INTS3: variants seen among roughly 807,000 people sequenced by gnomAD.
INTS3 encodes SOSS complex subunit A.
INTS3 carries 34 observed loss-of-function variants against 146.3 expected under a neutral mutation model. The observed-to-expected ratio is 0.23, with a 90% CI of 0.18 to 0.31. INTS3 has a LOEUF of 0.31. INTS3 is among the 10% of genes least tolerant of loss of function. INTS3 has a pLI of 1.00. For missense variants in INTS3, 757 were observed against 1,304.2 expected, an observed-to-expected ratio of 0.58 and a Z score of 6.46; for synonymous variants, 475 against 494.9, an observed-to-expected ratio of 0.96 and a Z score of 0.53.
chr1:153,728,809 G>A, intron 1 of INTS3, 25 bp downstream of exon 1: 3 of 1,307,526 alleles, frequency 2.3e-6, no homozygotes, highest in Non-Finnish European at 3.0e-6. Flanking sequence ...AGGGAAGGGA[G>A]TTAAGAAATT....
Position 153,772,720 on chromosome 1 carries a change from C to T in INTS3, c.2894+9C>T, listed in dbSNP as rs756887872. The T allele has an allele frequency of 1.2e-6, 2 of 1,612,748 alleles. No individual in the cohort carries two copies. Among genetic ancestry groups the T allele is most frequent in the Non-Finnish European group, 1.7e-6 (2 of 1,179,170 alleles). ...GAAGCCCACAAGATGAAGTGAGGCT[C>T]CTGCCACTTTGGGCCTTGGAAAGTA... On this transcript the variant is annotated intron_variant, in intron 28 of 29. Transcript: ENST00000318967. The surrounding 1 kb of genome is among the most constrained non-coding windows in gnomAD (Gnocchi z 4.6).
Position 153,751,127 on chromosome 1 carries a change from C to T in INTS3, c.617C>T (p.Ala206Val). 6.2e-7 allele frequency: 1 copy of T among 1,614,168 alleles called. No homozygotes were observed. Among genetic ancestry groups the T allele is most frequent in the South Asian group, 1.1e-5 (1 of 91,072 alleles). The change falls in exon 7 of 30, where the codon GCC (alanine) becomes GTC (valine). Residue 206 changes from alanine to valine, a missense_variant. Transcript: ENST00000318967. Reference protein sequence around the residue: ...EWVLKSSILIAMAVYTYLRLI... With the variant: ...EWVLKSSILIVMAVYTYLRLI... ...GTCCTGAAGAGCAGCATCCTCATTG[C>T]CATGGCTGTTTACACGTACCTCCGC... is the stretch of plus-strand genomic sequence containing the variant.
In INTS3 at chr1:153,769,818, G is replaced by A. The variant is rs1343212850; in HGVS notation, c.2363G>A (p.Arg788Gln). The change falls in exon 23 of 30, where the codon CGA becomes CAA. Residue 788 changes from arginine to glutamine, a missense_variant. Physicochemically the swap from Arg to Gln is conservative, Grantham distance 43. Transcript: ENST00000318967. ...HVMMGNLVMF[R>Q]KDSVLNILIQ... ...ATGATGGGTAACCTGGTTATGTTTC[G>A]AAAAGACTCAGTTCTCAACATACTC... 4.3e-6 allele frequency: 7 copies of A among 1,613,050 alleles called. No individual in the cohort carries two copies. Among genetic ancestry groups the A allele is most frequent in the African/African-American group, 2.7e-5 (2 of 74,800 alleles).
rs1203062790 is a variant in INTS3, at chr1:153,769,686, A to G, written c.2314-83A>G. 3.5e-6 allele frequency: 3 copies of G among 859,886 alleles called. No individual in the cohort carries two copies. In the African/African-American group the frequency reaches 5.1e-5, roughly 15 times the overall value. 53.3% of individuals were successfully genotyped at this position (859,886 alleles called of 1,614,324 possible). On this transcript the variant is annotated intron_variant, in intron 22 of 29. Coordinates refer to ENST00000318967, the MANE Select transcript of INTS3 (RefSeq NM_023015.5). ...CTCTAATTTTTTTTTTTCCCTTACGAGCCCTCCTGCGTCCCCCTCCATACT... is the reference window on the plus strand; with the variant it reads ...CTCTAATTTTTTTTTTTCCCTTACGGGCCCTCCTGCGTCCCCCTCCATACT...
chr1:153,743,554 A>G (rs768922347), intron 3 of INTS3, among the ~76,000 whole-genome samples: 2 of 152,202 alleles, frequency 1.3e-5, no homozygotes, highest in Non-Finnish European at 2.9e-5. Flanking sequence ...AAAGCAGGTC[A>G]GTATTGGGAA....
intron 12 of INTS3, 131 bp downstream of exon 12, chr1:153,760,521 C>T: frequency 1.4e-6 from 1 of 719,936 alleles, no homozygotes; most frequent in Non-Finnish European, 2.4e-6. Context: ...GGGTCCTATC[C>T]CCCAAGTTAA....
At chr1:153,764,390 C>T (rs1672497143) in intron 18 of INTS3, among the ~76,000 whole-genome samples, 169 bp downstream of exon 18, 1 of 152,204 alleles carries the variant, frequency 6.6e-6, no homozygotes, top group Non-Finnish European at 1.5e-5. Flanking sequence ...ACCTGCTGAA[C>T]ACCGTGCGTA....
rs1558013237 is a variant in INTS3, at chr1:153,773,056, AAG to A, written c.3029_3030del (p.Glu1010ValfsTer30). 1 of 1,614,160 alleles carries A rather than the reference AAG, an allele frequency of 6.2e-7. No homozygotes were observed. The highest frequency in any genetic ancestry group is 8.5e-7 in the Non-Finnish European group (1 of 1,180,022). On this transcript the variant is annotated frameshift_variant, in exon 29 of 30. Coordinates refer to ENST00000318967, the MANE Select transcript of INTS3 (RefSeq NM_023015.5). LOFTEE classifies it high-confidence loss of function. ...GCCACACAGCCCCCCAATGCCGAAG[AAG>A]AGTCGGGCTCCAGCAGTGCTTCAGT...
rs200825280 is a variant in INTS3, at chr1:153,744,038, CGTGTGTGTGT to C, written c.318+2705_318+2714del. Among the ~76,000 whole-genome samples, 648 of 142,320 alleles carry C rather than the reference CGTGTGTGTGT, an allele frequency of 4.6e-3. 7 individuals carry two copies. Among genetic ancestry groups the C allele is most frequent in the African/African-American group, 0.012 (464 of 38,178 alleles). 93.4% of individuals were successfully genotyped at this position (142,320 alleles called of 152,430 possible). ...TTTCCTCACTGAGGGTGTGCATGTG[CGTGTGTGTGT>C]GTGTGTGTGTGTGTGTGTGTGTGTG... On this transcript the variant is annotated intron_variant, in intron 3 of 29. Coordinates refer to ENST00000318967, the MANE Select transcript of INTS3 (RefSeq NM_023015.5).
intron 1 of INTS3, among the ~76,000 whole-genome samples, chr1:153,734,311 G>A (rs1671205001): frequency 6.6e-6 from 1 of 152,176 alleles, no homozygotes; most frequent in Non-Finnish European, 1.5e-5. Context: ...TTTCTTTGAA[G>A]GGACATGGTC....
intron 3 of INTS3, among the ~76,000 whole-genome samples, chr1:153,743,404 A>G (rs567888476): frequency 1.3e-5 from 2 of 152,276 alleles, no homozygotes; most frequent in Admixed American, 1.3e-4. Context: ...CAAATAGAAT[A>G]CTGCTATAAG....
chr1:153,751,110 G>A lies in INTS3; in HGVS notation c.600G>A (p.Lys200=). 1 of 1,614,216 alleles carries A rather than the reference G, an allele frequency of 6.2e-7. No homozygotes were observed. The highest frequency in any genetic ancestry group is 1.3e-5 in the African/African-American group (1 of 75,070). Residue 200 remains lysine, a synonymous_variant, in exon 7 of 30, where the codon AAG becomes AAA. Coordinates refer to ENST00000318967, the MANE Select transcript of INTS3 (RefSeq NM_023015.5). ...ILTEQREWVL[K]SSILIAMAVY... is the part of the protein sequence containing the mutation. ...CTCCCTGCAGGGAGTGGGTCCTGAA[G>A]AGCAGCATCCTCATTGCCATGGCTG...
At chr1:153,745,408 C>T (rs114230681) in intron 3 of INTS3, among the ~76,000 whole-genome samples, 4,945 of 151,906 alleles carry the variant, frequency 0.033, 268 homozygotes, top group African/African-American at 0.11. Flanking sequence ...CCACACGCCT[C>T]GGCCTCCCAA....
In INTS3 at chr1:153,740,506, T is replaced by G. The variant is rs977326798; in HGVS notation, c.151-145T>G. 2.0e-5 allele frequency: 13 copies of G among 652,094 alleles called. No homozygotes were observed. In the African/African-American group the frequency reaches 2.3e-4, roughly 12 times the overall value. The allele number at this position is 652,094 out of a possible 1,614,324, so 40.4% of individuals were successfully genotyped here. A position where few individuals can be genotyped will look rare whatever the true frequency, so the allele number is the denominator to read the frequency against. On this transcript the variant is annotated intron_variant, in intron 1 of 29. Transcript: ENST00000318967. ...TTTCCACATTTTAGATTTTGCTGGT[T>G]TTATCCTCATGGTGACTTTATAAGT...
In INTS3 at chr1:153,728,478, T is replaced by G; in HGVS notation, c.-157T>G. Reference sequence around the variant, plus strand: ...TCGCCCCCAACGCAGGCGCGGCCTTTTGGAGAGGAGGGAGGAGTGGAGAGG... The same window carrying G: ...TCGCCCCCAACGCAGGCGCGGCCTTGTGGAGAGGAGGGAGGAGTGGAGAGG... On this transcript the variant is annotated 5_prime_UTR_variant, in exon 1 of 30. Transcript: ENST00000318967. 1 of 883,494 alleles carries G rather than the reference T, an allele frequency of 1.1e-6. No homozygotes were observed. The highest frequency in any genetic ancestry group is 1.7e-6 in the Non-Finnish European group (1 of 591,400). The allele number at this position is 883,494 out of a possible 1,614,324, so 54.7% of individuals were successfully genotyped here.
intron 25 of INTS3, among the ~76,000 whole-genome samples, 188 bp downstream of exon 25, chr1:153,770,921 C>T (rs890171932): frequency 6.6e-6 from 1 of 152,184 alleles, no homozygotes; most frequent in African/African-American, 2.4e-5. Context: ...TTCCTCTCGA[C>T]TTTACCCCCC....
intron 10 of INTS3, among the ~76,000 whole-genome samples, chr1:153,758,189 G>C (rs908111519): frequency 6.6e-6 from 1 of 152,194 alleles, no homozygotes. Flanking sequence ...TGCAGTGGAG[G>C]CATTTCCTTT....
In INTS3 at chr1:153,763,361, A is replaced by C; in HGVS notation, c.1765A>C (p.Ser589Arg). ...RDKVLQLQKG[S>R]DTEAQCEVMQ... ...CAAAGTACTCCAGCTACAGAAGGGGAGGTGGGTACAGACCTTGTTCTCAAC... is the reference window on the plus strand; with the variant it reads ...CAAAGTACTCCAGCTACAGAAGGGGCGGTGGGTACAGACCTTGTTCTCAAC... The change falls in exon 16 of 30, where the codon AGT becomes CGT. Residue 589 changes from serine to arginine, a missense_variant and splice_region_variant. Around this residue, in one of 8 missense-constraint regions of INTS3, gnomAD observed 89 missense variants for 210.9 expected, o/e 0.42. Transcript: ENST00000318967. 6.2e-7 allele frequency: 1 copy of C among 1,613,856 alleles called. No homozygotes were observed. Among genetic ancestry groups the C allele is most frequent in the Non-Finnish European group, 8.5e-7 (1 of 1,180,008 alleles).
intron 8 of INTS3, among the ~76,000 whole-genome samples, chr1:153,754,262 C>T (rs1310792320): frequency 6.6e-6 from 1 of 152,158 alleles, no homozygotes; most frequent in Non-Finnish European, 1.5e-5. Context: ...AGGGCTCATG[C>T]TCATGCCACA....
Sources: gnomAD v4.1 joint callset for allele counts (sites outside exome capture counted in the v4.1 genomes callset) on GRCh38, gnomAD v4.1.1 for gene constraint, gnomAD v4.1.1 regional missense constraint, Gnocchi (gnomAD v3.1) non-coding constraint, MANE v1.5 for transcripts, NCBI Gene and HGNC (gene_info 2026-07-23, HGNC 2026-07-21) for gene names.